Variants in COL21A1 observed in about 807,000 individuals in gnomAD.
The protein encoded by COL21A1 is collagen type XXI alpha 1 chain.
COL21A1 carries 149 observed loss-of-function variants against 137.9 expected under a neutral mutation model. The ratio of observed to expected loss-of-function variants is 1.08; its 90% confidence interval spans 0.95 to 1.24. The LOEUF (loss-of-function observed/expected upper bound fraction) is 1.24, where lower values mean the gene tolerates loss of function less well. Among genes scored for constraint, COL21A1 ranks in the 50% most tolerant of loss-of-function variants. The probability of loss-of-function intolerance (pLI) is 0.00; values close to 1 mark genes in which losing one functional copy is unlikely to be tolerated. For missense variants in COL21A1, 1,167 were observed against 1,158.4 expected, an observed-to-expected ratio of 1.01 and a Z score of -0.11; for synonymous variants, 456 against 391.5, an observed-to-expected ratio of 1.16 and a Z score of -1.95.
chr6:56,128,563 T>C (rs560338304), intron 12 of COL21A1, among the ~76,000 whole-genome samples: 1 of 152,302 alleles, frequency 6.6e-6, no homozygotes, highest in East Asian at 1.9e-4. Context: ...CTCTAGTTTA[T>C]AGGACTGGCT....
At chr6:56,390,848 G>GATATACCCCA (rs1010366377) in intron 1 of COL21A1, among the ~76,000 whole-genome samples, 1 of 152,124 alleles carries the variant, frequency 6.6e-6, no homozygotes, top group African/African-American at 2.4e-5. Flanking sequence ...TATATAGAGA[G>GATATACCCCA]ATATACCCCA....
intron 1 of COL21A1, among the ~76,000 whole-genome samples, chr6:56,238,008 A>C (rs900689071): frequency 6.6e-6 from 1 of 151,942 alleles, no homozygotes; most frequent in African/African-American, 2.4e-5. Flanking sequence ...ACCATGTAAA[A>C]ATTTATGTAC....
At chr6:56,276,201 A>T (rs1763644930) in intron 1 of COL21A1, among the ~76,000 whole-genome samples, 1 of 152,140 alleles carries the variant, frequency 6.6e-6, no homozygotes, top group Non-Finnish European at 1.5e-5. Flanking sequence ...GACAATAGAC[A>T]CTGTGGATTA....
At chr6:56,209,480 G>T (rs1211351552) in intron 1 of COL21A1, among the ~76,000 whole-genome samples, 4 of 152,166 alleles carry the variant, frequency 2.6e-5, no homozygotes, top group Non-Finnish European at 5.9e-5. Context: ...GATATGACCA[G>T]ACACTTCTCA....
chr6:56,086,580 A>G (rs1246389732), intron 17 of COL21A1, among the ~76,000 whole-genome samples: 1 of 152,114 alleles, frequency 6.6e-6, no homozygotes, highest in Non-Finnish European at 1.5e-5. Context: ...CATCATCTTC[A>G]TGTTAAGTAG....
At chr6:56,070,819 T>C (rs41271338) in intron 20 of COL21A1, 21 bp from the exon 21 acceptor site, 66,795 of 1,569,700 alleles carry the variant, frequency 0.043, 1,713 homozygotes, top group Non-Finnish European at 0.049. Flanking sequence ...ATCAAAAACA[T>C]TGGAGTTTTT....
At chr6:56,294,808 T>A (rs1305433082) in intron 1 of COL21A1, among the ~76,000 whole-genome samples, 1 of 152,042 alleles carries the variant, frequency 6.6e-6, no homozygotes, top group East Asian at 1.9e-4. Flanking sequence ...TATTTTTGAG[T>A]TTTAAAAGGA....
intron 1 of COL21A1, among the ~76,000 whole-genome samples, chr6:56,222,986 T>A (rs79600775): frequency 2.0e-5 from 3 of 151,906 alleles, no homozygotes; most frequent in Non-Finnish European, 2.9e-5. Context: ...ATTTTTTTTT[T>A]ATTAAATGCT....
intron 1 of COL21A1, among the ~76,000 whole-genome samples, chr6:56,313,462 A>G (rs1208364916): frequency 6.6e-6 from 1 of 152,174 alleles, no homozygotes; most frequent in Non-Finnish European, 1.5e-5. Flanking sequence ...TCAGGGTGCC[A>G]GCATGGTTGG....
intron 1 of COL21A1, among the ~76,000 whole-genome samples, chr6:56,355,060 C>T (rs1220031676): frequency 6.6e-6 from 1 of 151,876 alleles, no homozygotes; most frequent in Non-Finnish European, 1.5e-5. Flanking sequence ...TCAGGGGGTT[C>T]TCGTTGTAGA....
chr6:56,243,683 G>A (rs1782480703), intron 1 of COL21A1, among the ~76,000 whole-genome samples: 2 of 152,174 alleles, frequency 1.3e-5, no homozygotes, highest in Admixed American at 6.5e-5. Context: ...ACTGAGGTAG[G>A]TTCTACTTCC....
chr6:56,219,527 C>A (rs530795825), intron 1 of COL21A1, among the ~76,000 whole-genome samples: 8 of 152,186 alleles, frequency 5.3e-5, no homozygotes, highest in Admixed American at 3.3e-4. Flanking sequence ...TGCCAACAAA[C>A]TACCATTTCT....
At chr6:56,176,547 T>C (rs538031567) in intron 3 of COL21A1, among the ~76,000 whole-genome samples, 1 of 146,090 alleles carries the variant, frequency 6.8e-6, no homozygotes, top group South Asian at 2.1e-4. Context: ...GAAATGCAAA[T>C]CAATACTACA....
At chr6:56,378,538 T>TCAGTG (rs993271644) in intron 1 of COL21A1, among the ~76,000 whole-genome samples, 43 of 152,312 alleles carry the variant, frequency 2.8e-4, no homozygotes, top group African/African-American at 9.9e-4. Flanking sequence ...TCTTGTGATT[T>TCAGTG]CAGTGCCAGC....
Position 56,074,256 on chromosome 6 carries a change from G to T in COL21A1, c.1941C>A (p.Gly647=). 1 of 1,590,622 alleles carries T rather than the reference G, an allele frequency of 6.3e-7. No homozygotes were observed. The highest frequency in any genetic ancestry group is 8.6e-7 in the Non-Finnish European group (1 of 1,168,400). The change falls in exon 20 of 30, where the codon GGC becomes GGA. Residue 647 remains glycine (G), a synonymous_variant. Coordinates refer to ENST00000244728, the MANE Select transcript of COL21A1 (RefSeq NM_030820.4). ...CCTTAGATCCCGGTGTTCCAGGCTG[G>T]CCTGGTGAGCCATTGCTTCCCATTA... The part of the protein sequence containing the change: ...PGLMGSNGSP[G]QPGTPGSKGS...
At chr6:56,100,125 GAC>G (rs1294080370) in intron 17 of COL21A1, among the ~76,000 whole-genome samples, 1 of 152,136 alleles carries the variant, frequency 6.6e-6, no homozygotes, top group Admixed American at 6.5e-5. Context: ...ACGCAACAGA[GAC>G]CCTTCTCTGC....
At chr6:56,333,390 G>A (rs1193117770) in intron 1 of COL21A1, among the ~76,000 whole-genome samples, 4 of 144,030 alleles carry the variant, frequency 2.8e-5, no homozygotes, top group Non-Finnish European at 6.0e-5. Flanking sequence ...AACTCATACA[G>A]CATGTACCCT....
intron 1 of COL21A1, among the ~76,000 whole-genome samples, chr6:56,217,514 T>C (rs1319112): frequency 0.77 from 117,590 of 152,000 alleles, 46,450 homozygotes; most frequent in African/African-American, 0.93. Flanking sequence ...ACCAAATGAC[T>C]GAAAGGTACC....
At chr6:56,237,139 G>A (rs201098106) in intron 1 of COL21A1, among the ~76,000 whole-genome samples, 1 of 151,522 alleles carries the variant, frequency 6.6e-6, no homozygotes, top group South Asian at 2.1e-4. Flanking sequence ...AATTCGAAAG[G>A]AAAAAAAGCC....
Sources: allele counts gnomAD v4.1 joint callset (sites outside exome capture counted in the v4.1 genomes callset), GRCh38; gene constraint gnomAD v4.1.1; transcripts MANE v1.5; gene names NCBI Gene and HGNC (gene_info 2026-07-23, HGNC 2026-07-21).